The following WDR64 variants were observed in gnomAD, a reference collection of about 807,000 sequenced individuals.
The protein encoded by WDR64 is WD repeat-containing protein 64.
Under a neutral mutation model 139.3 loss-of-function variants are expected in WDR64, and 112 were observed. That is an observed-to-expected ratio of 0.80 (90% CI 0.69 to 0.94). WDR64 has a LOEUF of 0.94. WDR64 is among the 40% of genes least tolerant of loss of function. The probability of loss-of-function intolerance (pLI) is 0.00; values close to 1 mark genes in which losing one functional copy is unlikely to be tolerated. For synonymous variants in WDR64, 444 were observed against 437.7 expected, an observed-to-expected ratio of 1.01 and a Z score of -0.18; for missense variants, 1,206 against 1,293.1, an observed-to-expected ratio of 0.93 and a Z score of 1.03.
chr1:241,735,533 C>CCCTTTTTTTTTTTTTTTTTTTT lies in WDR64; in HGVS notation c.1195-2830_1195-2829insCCTTTTTTTTTTTTTTTTTTTT, dbSNP rs1237771842. On this transcript the variant is annotated intron_variant, in intron 10 of 27. Coordinates refer to ENST00000437684, the MANE Select transcript of WDR64 (RefSeq NM_001367482.1). ...GTTCTCTGTCTCTCTCTCTCTCTCT[C>CCCTTTTTTTTTTTTTTTTTTTT]TTTTTTTTTTTTTTTTTTTGATACG... is the stretch of plus-strand genomic sequence containing the variant. Among the ~76,000 whole-genome samples the CCCTTTTTTTTTTTTTTTTTTTT allele has an allele frequency of 1.5e-3, 158 of 103,492 alleles. 13 individuals are homozygous for CCCTTTTTTTTTTTTTTTTTTTT. Among genetic ancestry groups the CCCTTTTTTTTTTTTTTTTTTTT allele is most frequent in the Middle Eastern group, 6.6e-3 (1 of 152 alleles). 67.9% of individuals were successfully genotyped at this position (103,492 alleles called of 152,430 possible). A position where few individuals can be genotyped will look rare whatever the true frequency, so the allele number is the denominator to read the frequency against.
intron 2 of WDR64, among the ~76,000 whole-genome samples, chr1:241,670,815 G>T (rs990985814): frequency 3.9e-5 from 6 of 152,162 alleles, no homozygotes; most frequent in African/African-American, 1.4e-4. Flanking sequence ...GATCTGAGGT[G>T]GAAGAGTTTC....
chr1:241,660,949 G>A (rs1001217119), intron 2 of WDR64, among the ~76,000 whole-genome samples: 13 of 152,248 alleles, frequency 8.5e-5, no homozygotes, highest in South Asian at 4.1e-4. Flanking sequence ...TTTAATGGTC[G>A]TCATTTCACT....
chr1:241,768,640 T>C (rs1658282543), intron 16 of WDR64, among the ~76,000 whole-genome samples: 1 of 152,252 alleles, frequency 6.6e-6, no homozygotes, highest in Non-Finnish European at 1.5e-5. Flanking sequence ...GGCCCCTTCA[T>C]CTCTTGCAGA....
intron 9 of WDR64, among the ~76,000 whole-genome samples, chr1:241,713,510 A>AAAT (rs146169511): frequency 0.2 from 28,071 of 142,118 alleles, 3,042 homozygotes; most frequent in African/African-American, 0.3. Context: ...AAGAAAAAAG[A>AAAT]AAGAAAGAAA....
intron 10 of WDR64, among the ~76,000 whole-genome samples, chr1:241,735,855 C>CTCTCTCTCTCTG (rs1248435698): frequency 1.4e-5 from 1 of 71,610 alleles, no homozygotes; most frequent in African/African-American, 4.7e-5. Flanking sequence ...CTCTCTCTCT[C>CTCTCTCTCTCTG]TGTGTGTGTG....
At chr1:241,674,980 CTTTCCTCCCTTT>C (rs1666431627) in intron 4 of WDR64, among the ~76,000 whole-genome samples, 6 of 69,792 alleles carry the variant, frequency 8.6e-5, no homozygotes, top group African/African-American at 2.1e-4. Flanking sequence ...TTCTTTCCTT[CTTTCCTCCCTTT>C]CTCCCTCCCT....
At chr1:241,693,591 C>G (rs1200521760) in intron 8 of WDR64, among the ~76,000 whole-genome samples, 2 of 152,114 alleles carry the variant, frequency 1.3e-5, no homozygotes, top group Non-Finnish European at 2.9e-5. Context: ...CAATGTAGCA[C>G]TGTGGTGTGG....
intron 23 of WDR64, among the ~76,000 whole-genome samples, chr1:241,786,587 G>A (rs12736724): frequency 1.3e-5 from 2 of 152,134 alleles, no homozygotes; most frequent in Non-Finnish European, 2.9e-5. Context: ...GTAAAAATTA[G>A]CAGGGTATTT....
At chr1:241,692,165 A>C (rs929199578) in intron 8 of WDR64, among the ~76,000 whole-genome samples, 2 of 152,224 alleles carry the variant, frequency 1.3e-5, no homozygotes, top group African/African-American at 4.8e-5. Flanking sequence ...AAGGAATTAA[A>C]TGAAGAGATA....
chr1:241,769,388 G>C lies in WDR64; in HGVS notation c.2082-16G>C. ...TTTGTGAATTTTTTCTCATATAAATGTATACTTACTTCTAGGTACCGACCT... is the reference window on the plus strand; with the variant it reads ...TTTGTGAATTTTTTCTCATATAAATCTATACTTACTTCTAGGTACCGACCT... On this transcript the variant is annotated splice_polypyrimidine_tract_variant and intron_variant, in intron 16 of 27. Transcript: ENST00000437684. 1.3e-6 allele frequency: 2 copies of C among 1,545,916 alleles called. No individual in the cohort carries two copies. Among genetic ancestry groups the C allele is most frequent in the East Asian group, 2.4e-5 (1 of 40,886 alleles).
intron 1 of WDR64, among the ~76,000 whole-genome samples, chr1:241,652,912 TTC>T (rs1192537907): frequency 6.6e-6 from 1 of 152,252 alleles, no homozygotes; most frequent in Non-Finnish European, 1.5e-5. Flanking sequence ...ACGTCCAGTG[TTC>T]TTCTGTAGAC....
chr1:241,745,165 C>G (rs1434488850), intron 13 of WDR64, among the ~76,000 whole-genome samples: 1 of 152,106 alleles, frequency 6.6e-6, no homozygotes, highest in African/African-American at 2.4e-5. Flanking sequence ...TTTATCTAGA[C>G]CATATGACCG....
At chr1:241,729,659 C>T (rs1490031263) in intron 10 of WDR64, among the ~76,000 whole-genome samples, 2 of 152,242 alleles carry the variant, frequency 1.3e-5, no homozygotes, top group South Asian at 4.2e-4. Flanking sequence ...AAAGCCTTCA[C>T]TAAGATAAAA....
intron 27 of WDR64, among the ~76,000 whole-genome samples, chr1:241,799,537 C>T (rs1487961645): frequency 1.3e-5 from 2 of 151,962 alleles, no homozygotes; most frequent in African/African-American, 4.8e-5. Context: ...TTGCTATGTA[C>T]TCTTTCATTT....
intron 22 of WDR64, among the ~76,000 whole-genome samples, chr1:241,781,433 C>A (rs1306924944): frequency 6.6e-6 from 1 of 152,146 alleles, no homozygotes; most frequent in African/African-American, 2.4e-5. Flanking sequence ...TAAAATGCCT[C>A]ATTATTACAT....
At chr1:241,663,070 A>G (rs1665892516) in intron 2 of WDR64, among the ~76,000 whole-genome samples, 1 of 152,194 alleles carries the variant, frequency 6.6e-6, no homozygotes, top group South Asian at 2.1e-4. Flanking sequence ...GAACACCAGC[A>G]ATAACCACCC....
chr1:241,735,533 C>CTTTTTTT lies in WDR64; in HGVS notation c.1195-2817_1195-2811dup, dbSNP rs58339742. Among the ~76,000 whole-genome samples the CTTTTTTT allele has an allele frequency of 2.8e-3, 290 of 103,470 alleles. 8 individuals are homozygous for CTTTTTTT. The highest frequency in any genetic ancestry group is 0.01 in the African/African-American group (274 of 26,308). The allele number at this position is 103,470 out of a possible 152,430, so 67.9% of individuals were successfully genotyped here. ...GTTCTCTGTCTCTCTCTCTCTCTCTCTTTTTTTTTTTTTTTTTTTGATACG... is the reference window on the plus strand; with the variant it reads ...GTTCTCTGTCTCTCTCTCTCTCTCTCTTTTTTTTTTTTTTTTTTTTTTTTTTGATACG... On this transcript the variant is annotated intron_variant, in intron 10 of 27. Coordinates refer to ENST00000437684, the MANE Select transcript of WDR64 (RefSeq NM_001367482.1).
At chr1:241,778,288 G>A (rs1050240963) in intron 21 of WDR64, among the ~76,000 whole-genome samples, 1 of 152,158 alleles carries the variant, frequency 6.6e-6, no homozygotes, top group Non-Finnish European at 1.5e-5. Context: ...TCACTCTGAA[G>A]TCTGCTCTGT....
chr1:241,674,346 C>T (rs1000798985), intron 3 of WDR64, among the ~76,000 whole-genome samples: 1 of 145,060 alleles, frequency 6.9e-6, no homozygotes, highest in Admixed American at 7.1e-5. Flanking sequence ...GCACCTCAAC[C>T]TCCTGGCTCC....
Sources: allele counts gnomAD v4.1 joint callset (sites outside exome capture counted in the v4.1 genomes callset), GRCh38; gene constraint gnomAD v4.1.1; transcripts MANE v1.5; gene names NCBI Gene and HGNC (gene_info 2026-07-23, HGNC 2026-07-21).